DOCK3: variants seen among roughly 807,000 people sequenced by gnomAD.
DOCK3 encodes the protein dedicator of cytokinesis 3.
A neutral mutation model predicts 265.6 loss-of-function variants in DOCK3; 60 were observed. The ratio of observed to expected loss-of-function variants is 0.23; its 90% CI spans 0.18 to 0.28. DOCK3 has a LOEUF of 0.28. DOCK3 is among the 10% of genes least tolerant of loss of function. The pLI is 1.00. For missense variants in DOCK3, 1,981 were observed against 2,594.3 expected, an observed-to-expected ratio of 0.76 and a Z score of 5.14; for synonymous variants, 881 against 938.0, an observed-to-expected ratio of 0.94 and a Z score of 1.11.
At chr3:50,994,476 A>T (rs1241362637) in intron 5 of DOCK3, among the ~76,000 whole-genome samples, 1 of 152,226 alleles carries the variant, frequency 6.6e-6, no homozygotes, top group Non-Finnish European at 1.5e-5. Context: ...GTGTGATGTC[A>T]AAGTTGTGCT....
intron 23 of DOCK3, among the ~76,000 whole-genome samples, chr3:51,266,294 C>T (rs572301315): frequency 7.2e-5 from 11 of 152,274 alleles, no homozygotes; most frequent in African/African-American, 2.6e-4. Context: ...CATCAAGCTA[C>T]CACTGACTTT....
intron 10 of DOCK3, among the ~76,000 whole-genome samples, chr3:51,147,028 G>A (rs1311048232): frequency 1.3e-5 from 2 of 151,884 alleles, no homozygotes; most frequent in Non-Finnish European, 2.9e-5. Context: ...CAAGAGGACC[G>A]CCTGAGCCCA....
intron 23 of DOCK3, among the ~76,000 whole-genome samples, chr3:51,261,843 G>A (rs570295011): frequency 4.3e-4 from 66 of 152,300 alleles, no homozygotes; most frequent in Non-Finnish European, 7.3e-4. Flanking sequence ...CCAAGCCACT[G>A]TAGCCAGACT....
chr3:51,381,586 C>T lies in DOCK3; in HGVS notation c.*27C>T. ...GGGCAACGAGGCGGCTGGGATGCCG[C>T]CCTCAGTAAGCAGCTTGCCAATCAC... On this transcript the variant is annotated 3_prime_UTR_variant, in exon 53 of 53. Transcript: ENST00000266037. This position sits in a 1 kb window ranked among gnomAD's most constrained non-coding sequence, Gnocchi z 5.6. The T allele has an allele frequency of 6.8e-7, 1 of 1,471,956 alleles. No individual in the cohort carries two copies. Among genetic ancestry groups the T allele is most frequent in the South Asian group, 1.4e-5 (1 of 70,658 alleles). The allele number at this position is 1,471,956 out of a possible 1,614,324, so 91.2% of individuals were successfully genotyped here.
In DOCK3 at chr3:51,315,028, G is replaced by A; in HGVS notation, c.3302G>A (p.Gly1101Asp). The A allele has an allele frequency of 6.2e-7, 1 of 1,612,590 alleles. No individual in the cohort carries two copies. The highest frequency in any genetic ancestry group is 8.5e-7 in the Non-Finnish European group (1 of 1,179,050). ...CCGGGAATGATTGGTCCTTTTCTGG[G>A]TGTGACACTGGTCCCACAGCCAGAA... ...FIPGMIGPFL[G>D]VTLVPQPEVR... Residue 1101 changes from glycine (G) to aspartate (D), a missense_variant, in exon 32 of 53, where the codon GGT becomes GAT. Around this residue, in one of 4 missense-constraint regions of DOCK3, gnomAD observed 1,357 missense variants for 1,866.8 expected, o/e 0.73. Transcript: ENST00000266037.
At chr3:50,735,629 A>G (rs1054038707) in intron 1 of DOCK3, among the ~76,000 whole-genome samples, 1 of 152,038 alleles carries the variant, frequency 6.6e-6, no homozygotes, top group African/African-American at 2.4e-5. Flanking sequence ...GAGCCACTGC[A>G]CCCAGCCTGT....
chr3:51,220,372 T>A lies in DOCK3; in HGVS notation c.1253-5277T>A, dbSNP rs6784909. Among the ~76,000 whole-genome samples the A allele has an allele frequency of 4.5e-3, 685 of 152,082 alleles. 5 individuals are homozygous for A. Among genetic ancestry groups the A allele is most frequent in the African/African-American group, 0.014 (583 of 41,498 alleles). On this transcript the variant is annotated intron_variant, in intron 14 of 52. Transcript: ENST00000266037. ...ATAAATAATATAGTATTAAATATTA[T>A]TGGGCAGGGTGCGGTGGCTCACGTG...
rs1047220699 is a variant in DOCK3, at chr3:51,375,797, A to G, written c.5462A>G (p.Lys1821Arg). Residue 1821 changes from lysine (K) to arginine (R), a missense_variant, in exon 51 of 53, where the codon AAA becomes AGA. Lys to Arg is a conservative substitution (Grantham distance 26, BLOSUM62 2). Coordinates refer to ENST00000266037, the MANE Select transcript of DOCK3 (RefSeq NM_004947.5). Reference sequence around the variant, plus strand: ...TTCCAGCAAGTGGTCGGAGCCTGCAAACCCTGCAGTGATCCCAATCTGTCT... The same window carrying G: ...TTCCAGCAAGTGGTCGGAGCCTGCAGACCCTGCAGTGATCCCAATCTGTCT... The part of the protein sequence containing the change: ...ALFQQVVGAC[K>R]PCSDPNLSVA... 2 of 1,613,978 alleles carry G rather than the reference A, an allele frequency of 1.2e-6. No individual in the cohort carries two copies. Among genetic ancestry groups the G allele is most frequent in the Non-Finnish European group, 8.5e-7 (1 of 1,179,876 alleles).
At chr3:51,048,576 G>A (rs1356728818) in intron 5 of DOCK3, among the ~76,000 whole-genome samples, 1 of 152,128 alleles carries the variant, frequency 6.6e-6, no homozygotes, top group Non-Finnish European at 1.5e-5. Context: ...ATAATTTCAT[G>A]CAGGAAACGA....
At chr3:51,160,337 T>C (rs1029744779) in intron 11 of DOCK3, among the ~76,000 whole-genome samples, 1 of 152,348 alleles carries the variant, frequency 6.6e-6, no homozygotes, top group African/African-American at 2.4e-5. Flanking sequence ...TAGATAAGAA[T>C]GATTGATTGA....
At chr3:51,281,274 AATATATATATATATATATAT>A (rs56084027) in intron 27 of DOCK3, among the ~76,000 whole-genome samples, 11,072 of 125,700 alleles carry the variant, frequency 0.088, 1,157 homozygotes, top group East Asian at 0.35. Context: ...GATGAGCTAA[AATATATATATATATATATAT>A]ATATATATAT....
At chr3:50,866,535 C>G (rs764827328) in intron 3 of DOCK3, among the ~76,000 whole-genome samples, 4 of 151,642 alleles carry the variant, frequency 2.6e-5, no homozygotes, top group Non-Finnish European at 5.9e-5. Flanking sequence ...GAGAGTTTCC[C>G]CAAAATTTTC....
intron 5 of DOCK3, among the ~76,000 whole-genome samples, chr3:50,966,480 CTTGT>C (rs1396351025): frequency 1.4e-5 from 1 of 70,040 alleles, no homozygotes; most frequent in Non-Finnish European, 2.9e-5. Context: ...CTGGTTATCT[CTTGT>C]TTTTTTTTTT....
intron 3 of DOCK3, among the ~76,000 whole-genome samples, chr3:50,849,574 G>A (rs1043894446): frequency 2.7e-5 from 4 of 148,294 alleles, no homozygotes; most frequent in Non-Finnish European, 4.5e-5. Flanking sequence ...CCACCTCAAC[G>A]TCCTGAGTAG....
intron 22 of DOCK3, among the ~76,000 whole-genome samples, chr3:51,254,593 A>T (rs1216391520): frequency 6.6e-6 from 1 of 152,138 alleles, no homozygotes; most frequent in Non-Finnish European, 1.5e-5. Context: ...AGCTCTTCTC[A>T]TTGAATTGAT....
chr3:51,220,787 G>A (rs1157365544), intron 14 of DOCK3, among the ~76,000 whole-genome samples: 1 of 148,370 alleles, frequency 6.7e-6, no homozygotes, highest in Non-Finnish European at 1.5e-5. Context: ...TTATACAGAA[G>A]GAATGTGAAT....
At chr3:50,687,211 A>T (rs1439321806) in intron 1 of DOCK3, among the ~76,000 whole-genome samples, 2 of 151,892 alleles carry the variant, frequency 1.3e-5, no homozygotes, top group Non-Finnish European at 2.9e-5. Context: ...GTGAGAGTCC[A>T]TCACAGAAAA....
intron 51 of DOCK3, 24 bp from the exon 52 acceptor site, chr3:51,380,101 G>A (rs1553618047): frequency 6.2e-7 from 1 of 1,608,068 alleles, no homozygotes. Context: ...CCCAGCTGAG[G>A]CTCTGGTTCT....
chr3:50,934,448 T>C (rs1322250843), intron 5 of DOCK3, among the ~76,000 whole-genome samples: 1 of 152,218 alleles, frequency 6.6e-6, no homozygotes, highest in Non-Finnish European at 1.5e-5. Context: ...TAAAGGCCGA[T>C]AAATTGTGTT....
Sources: gnomAD v4.1 joint callset for allele counts (sites outside exome capture counted in the v4.1 genomes callset) on GRCh38, gnomAD v4.1.1 for gene constraint, gnomAD v4.1.1 regional missense constraint, Gnocchi (gnomAD v3.1) non-coding constraint, MANE v1.5 for transcripts, NCBI Gene and HGNC (gene_info 2026-07-23, HGNC 2026-07-21) for gene names.